SH3KBP1: variants seen among roughly 807,000 people sequenced by gnomAD.
SH3KBP1 encodes the protein SH3 domain containing kinase binding protein 1, also known as SH3 domain-containing kinase-binding protein 1.
Under a neutral mutation model 50.1 loss-of-function variants are expected in SH3KBP1, and 8 were observed. The ratio of observed to expected loss-of-function variants is 0.16; its 90% confidence interval spans 0.09 to 0.29. SH3KBP1 has a LOEUF of 0.29. Ranked by LOEUF, SH3KBP1 falls within the 10% of genes least tolerant of loss-of-function variation. The pLI is 1.00. For synonymous variants in SH3KBP1, 227 were observed against 218.6 expected, an observed-to-expected ratio of 1.04 and a Z score of -0.34; for missense variants, 377 against 535.2, an observed-to-expected ratio of 0.70 and a Z score of 2.92.
At chrX:19,559,024 T>C (rs2065580274) in intron 13 of SH3KBP1, among the ~76,000 whole-genome samples, 1 of 110,005 alleles carries the variant, frequency 9.1e-6, no homozygotes, top group African/African-American at 3.3e-5. Flanking sequence ...TCCCAGCACA[T>C]TGGGAGGTCG....
intron 8 of SH3KBP1, among the ~76,000 whole-genome samples, chrX:19,609,192 G>T (rs766146296): frequency 8.9e-6 from 1 of 111,849 alleles, no homozygotes; most frequent in Non-Finnish European, 1.9e-5. Flanking sequence ...AGTCCCATTT[G>T]CTGGAGTTTT....
At chrX:19,543,717 G>A (rs55931219) in intron 15 of SH3KBP1, among the ~76,000 whole-genome samples, 11 of 111,514 alleles carry the variant, frequency 9.9e-5, no homozygotes, top group Admixed American at 1.9e-4. Context: ...TGCATGATAC[G>A]CTGAGAGAAA....
intron 13 of SH3KBP1, among the ~76,000 whole-genome samples, chrX:19,559,968 A>C (rs1276133606): frequency 9.0e-6 from 1 of 111,232 alleles, no homozygotes; most frequent in Non-Finnish European, 1.9e-5. Flanking sequence ...AAGATGAATG[A>C]GTACTTTTTA....
At position 19,555,917 on chromosome X, in the gene SH3KBP1, C is replaced by T. The variant is rs147457757; in HGVS notation, c.1385-5834G>A. 8.5e-3 allele frequency among the ~76,000 whole-genome samples: 955 copies of T among 111,897 alleles called. 14 individuals carry two copies. Among genetic ancestry groups the T allele is most frequent in the African/African-American group, 0.029 (902 of 30,778 alleles). On this transcript the variant is annotated intron_variant, in intron 13 of 17. Coordinates refer to ENST00000397821, the MANE Select transcript of SH3KBP1 (RefSeq NM_031892.3). ...CCCTACTCACCCATCATCGTGATCTCGGCATTTAGTGCCCTGTACTGACAT... is the reference window on the plus strand; with the variant it reads ...CCCTACTCACCCATCATCGTGATCTTGGCATTTAGTGCCCTGTACTGACAT...
intron 2 of SH3KBP1, among the ~76,000 whole-genome samples, chrX:19,765,799 A>G (rs187332496): frequency 8.0e-5 from 9 of 112,174 alleles, no homozygotes; most frequent in African/African-American, 2.9e-4. Context: ...ATATAGGTTA[A>G]GTCATACAGT....
chrX:19,609,737 A>G (rs909381429), intron 8 of SH3KBP1, among the ~76,000 whole-genome samples: 2 of 111,970 alleles, frequency 1.8e-5, no homozygotes, highest in African/African-American at 6.5e-5. Context: ...CATTCCAGCA[A>G]GGTGAGGAGC....
intron 3 of SH3KBP1, among the ~76,000 whole-genome samples, chrX:19,724,242 T>C (rs984704091): frequency 1.8e-5 from 2 of 111,327 alleles, no homozygotes; most frequent in African/African-American, 6.5e-5. Context: ...TGAAGATTCA[T>C]TTGCAGAATA....
Position 19,547,031 on chromosome X carries a change from A to G in SH3KBP1, c.1495-981T>C, listed in dbSNP as rs192139948. On this transcript the variant is annotated intron_variant, in intron 14 of 17. Coordinates refer to ENST00000397821, the MANE Select transcript of SH3KBP1 (RefSeq NM_031892.3). ...GCCAGGCATGGTGGTGTGCACCTGGAGTCCCAGCTACTCGGGAGGCTGAGG... is the reference window on the plus strand; with the variant it reads ...GCCAGGCATGGTGGTGTGCACCTGGGGTCCCAGCTACTCGGGAGGCTGAGG... Among the ~76,000 whole-genome samples, 23 of 110,490 alleles carry G rather than the reference A, an allele frequency of 2.1e-4. 1 individual carries two copies. The East Asian group carries it at 5.7e-3, about 27-fold the overall frequency.
At chrX:19,880,437 CTT>C (rs1480304015) in intron 1 of SH3KBP1, among the ~76,000 whole-genome samples, 1 of 113,002 alleles carries the variant, frequency 8.8e-6, no homozygotes, top group Non-Finnish European at 1.9e-5. Context: ...GAGATGGAGA[CTT>C]AATACAAGAG....
chrX:19,730,667 G>A (rs1415819580), intron 3 of SH3KBP1, among the ~76,000 whole-genome samples: 1 of 111,740 alleles, frequency 8.9e-6, no homozygotes, highest in Non-Finnish European at 1.9e-5. Context: ...TACCTAAATT[G>A]AAATCTTAGA....
At position 19,839,186 on chromosome X, in the gene SH3KBP1, T is replaced by C. The variant is rs774148965; in HGVS notation, c.5-2904A>G. Among the ~76,000 whole-genome samples, 7 of 110,613 alleles carry C rather than the reference T, an allele frequency of 6.3e-5. No homozygotes were observed. In the South Asian group the frequency reaches 2.7e-3, roughly 42 times the overall value. On this transcript the variant is annotated intron_variant, in intron 1 of 17. Transcript: ENST00000397821. ...ATTTTTCCACCAATGTCTAAAGTCATACAATACTCAATTTTATGTGTTTCA... is the reference window on the plus strand; with the variant it reads ...ATTTTTCCACCAATGTCTAAAGTCACACAATACTCAATTTTATGTGTTTCA...
intron 2 of SH3KBP1, among the ~76,000 whole-genome samples, chrX:19,789,312 T>C (rs905626078): frequency 1.8e-5 from 2 of 111,202 alleles, no homozygotes; most frequent in African/African-American, 6.6e-5. Flanking sequence ...ACTCTTCTTG[T>C]CAACTCAGGG....
chrX:19,548,860 C>T (rs1280509312), intron 14 of SH3KBP1, among the ~76,000 whole-genome samples: 4 of 108,097 alleles, frequency 3.7e-5, no homozygotes, highest in Non-Finnish European at 7.6e-5. Flanking sequence ...CGAACTTATA[C>T]ACAAACACAA....
At chrX:19,613,111 A>G (rs1004317480) in intron 8 of SH3KBP1, among the ~76,000 whole-genome samples, 1 of 112,469 alleles carries the variant, frequency 8.9e-6, no homozygotes, top group African/African-American at 3.2e-5. Context: ...CCCGACTGCC[A>G]TCAGGGCGGA....
chrX:19,538,891 T>C (rs1438603518), intron 16 of SH3KBP1, among the ~76,000 whole-genome samples: 1 of 112,327 alleles, frequency 8.9e-6, no homozygotes, highest in Non-Finnish European at 1.9e-5. Flanking sequence ...CTGGCCTATT[T>C]CCTTTATTTT....
chrX:19,676,581 G>A (rs190016537), intron 6 of SH3KBP1, among the ~76,000 whole-genome samples: 1 of 110,769 alleles, frequency 9.0e-6, no homozygotes, highest in East Asian at 2.8e-4. Context: ...GTGCATGCCT[G>A]TATCAAAACA....
intron 3 of SH3KBP1, among the ~76,000 whole-genome samples, chrX:19,727,961 G>C (rs771104503): frequency 8.9e-6 from 1 of 112,010 alleles, no homozygotes; most frequent in Non-Finnish European, 1.9e-5. Context: ...GAAACAGAGC[G>C]AGACACCATC....
chrX:19,556,084 C>A (rs906143110), intron 13 of SH3KBP1, among the ~76,000 whole-genome samples: 1 of 112,230 alleles, frequency 8.9e-6, no homozygotes, highest in Admixed American at 9.5e-5. Context: ...AACAACCTTT[C>A]TAGGCTTCAG....
Position 19,683,819 on chromosome X carries a change from A to T in SH3KBP1, c.726+4T>A, listed in dbSNP as rs1177619403. ...TGAAATCAAATAGAAACTGTCGAACATACCTTTTCTACCGGCAGAAAGTCA... is the reference window on the plus strand; with the variant it reads ...TGAAATCAAATAGAAACTGTCGAACTTACCTTTTCTACCGGCAGAAAGTCA... On this transcript the variant is annotated splice_donor_region_variant and intron_variant, in intron 6 of 17. Transcript: ENST00000397821. The T allele has an allele frequency of 3.3e-6, 4 of 1,201,928 alleles. No individual in the cohort carries two copies. Among genetic ancestry groups the T allele is most frequent in the Non-Finnish European group, 4.5e-6 (4 of 886,362 alleles).
Sources: allele counts gnomAD v4.1 joint callset (sites outside exome capture counted in the v4.1 genomes callset), GRCh38; gene constraint gnomAD v4.1.1; transcripts MANE v1.5; gene names NCBI Gene and HGNC (gene_info 2026-07-23, HGNC 2026-07-21).